Variants in ZNF34 observed in about 807,000 individuals in gnomAD.
ZNF34 encodes the protein zinc finger protein 34 (KOX 32).
ZNF34 carries 8 observed loss-of-function variants against 14.4 expected under a neutral mutation model. That is an observed-to-expected ratio of 0.55 (90% CI 0.33 to 1.00). The LOEUF (loss-of-function observed/expected upper bound fraction) is 1.00. ZNF34 is among the 50% of genes least tolerant of loss of function. The pLI is 0.03. For missense variants in ZNF34, 538 were observed against 674.2 expected (o/e 0.80, Z 2.24); for synonymous variants, 235 against 247.9 (o/e 0.95, Z 0.49).
In ZNF34 at chr8:144,778,020, T is replaced by G; in HGVS notation, c.160+18A>C. 6.2e-7 allele frequency: 1 copy of G among 1,613,282 alleles called. No homozygotes were observed. The highest frequency in any genetic ancestry group is 8.5e-7 in the Non-Finnish European group (1 of 1,179,582). ...CCCCAGGGCTGTTCCCAGAGCTGAG[T>G]TCTGGTGAGGGCCTTACCCAGTGAG... is the stretch of plus-strand genomic sequence containing the variant. On this transcript the variant is annotated intron_variant, in intron 4 of 5. Coordinates refer to ENST00000429371, the MANE Select transcript of ZNF34 (RefSeq NM_001286769.2).
chr8:144,774,755 T>A, intron 5 of ZNF34, 150 bp from the exon 6 acceptor site: 1 of 890,544 alleles, frequency 1.1e-6, no homozygotes, highest in Non-Finnish European at 1.7e-6. Flanking sequence ...CTCAGAGGCT[T>A]ATGCAGCTCA....
intron 5 of ZNF34, among the ~76,000 whole-genome samples, chr8:144,776,915 A>C (rs1277039323): frequency 2.0e-5 from 3 of 147,242 alleles, no homozygotes; most frequent in Admixed American, 2.0e-4. Context: ...CTGTCTCAAA[A>C]AAAAAAAAAA....
At position 144,774,284 on chromosome 8, in the gene ZNF34, G is replaced by T. The variant is rs951586003; in HGVS notation, c.602C>A (p.Thr201Lys). The part of the protein sequence containing the change: ...NHKRVHRSKK[T>K]NTVRNSGEIF... ...TTCCCCAGAGTTACGAACTGTATTTGTTTTTTTTGACCTGTGTACACGCTT... is the reference window on the plus strand; with the variant it reads ...TTCCCCAGAGTTACGAACTGTATTTTTTTTTTTTGACCTGTGTACACGCTT... Residue 201 changes from threonine (T) to lysine (K), a missense_variant, in exon 6 of 6, where the codon ACA (threonine) becomes AAA (lysine). Thr to Lys is a moderately conservative substitution (Grantham distance 78, BLOSUM62 -1). This residue lies in a region of ZNF34 where 431 missense variants were observed against 525.7 expected (regional missense o/e 0.82). Coordinates refer to ENST00000429371, the MANE Select transcript of ZNF34 (RefSeq NM_001286769.2). 8 of 1,612,958 alleles carry T rather than the reference G, an allele frequency of 5.0e-6. No homozygotes were observed. The highest frequency in any genetic ancestry group is 6.8e-6 in the Non-Finnish European group (8 of 1,179,464).
rs563776460 is a variant in ZNF34 at position 144,772,728 on chromosome 8, C to T, written c.*538G>A. Among the ~76,000 whole-genome samples, 14 of 151,986 alleles carry T rather than the reference C, an allele frequency of 9.2e-5. No individual in the cohort carries two copies. Among genetic ancestry groups the T allele is most frequent in the East Asian group, 3.9e-4 (2 of 5,174 alleles). Reference sequence around the variant, plus strand: ...CTAATTTTTGTATTTTTAGTAGAGACGGGGTTTCACCATGTTGGCCAGGCT... The same window carrying T: ...CTAATTTTTGTATTTTTAGTAGAGATGGGGTTTCACCATGTTGGCCAGGCT... On this transcript the variant is annotated 3_prime_UTR_variant, in exon 6 of 6. Coordinates refer to ENST00000429371, the MANE Select transcript of ZNF34 (RefSeq NM_001286769.2).
Position 144,772,682 on chromosome 8 carries a change from G to A in ZNF34, c.*584C>T, listed in dbSNP as rs1825243261. ...AGCCTCCCGAGTAGCTGGGATTACA[G>A]GCACCCACCACCACACCTGGCTAAT... On this transcript the variant is annotated 3_prime_UTR_variant, in exon 6 of 6. Transcript: ENST00000429371. Among the ~76,000 whole-genome samples the A allele has an allele frequency of 6.6e-6, 1 of 152,102 alleles. No individual in the cohort carries two copies. Among genetic ancestry groups the A allele is most frequent in the Non-Finnish European group, 1.5e-5 (1 of 68,014 alleles).
intron 1 of ZNF34, chr8:144,785,307 C>T (rs1227698670): frequency 6.6e-6 from 1 of 152,050 alleles, no homozygotes; most frequent in Non-Finnish European, 1.5e-5. Flanking sequence ...ACCTGGCAAA[C>T]CCTGTAGTCC....
intron 1 of ZNF34, among the ~76,000 whole-genome samples, chr8:144,786,565 C>A (rs1826250456): frequency 1.3e-5 from 2 of 151,076 alleles, no homozygotes; most frequent in Middle Eastern, 6.8e-3. Context: ...ACTCGGGAGG[C>A]GGAAGGTGCA....
Position 144,772,236 on chromosome 8 carries a change from A to C in ZNF34, c.*1030T>G, listed in dbSNP as rs1186651309. Reference sequence around the variant, plus strand: ...AAAGAAACACAGATTGCATGATTCCACACATATTTATGTTCCTAGAATAGG... The same window carrying C: ...AAAGAAACACAGATTGCATGATTCCCCACATATTTATGTTCCTAGAATAGG... On this transcript the variant is annotated 3_prime_UTR_variant, in exon 6 of 6. Transcript: ENST00000429371. 6.6e-6 allele frequency among the ~76,000 whole-genome samples: 1 copy of C among 152,226 alleles called. No homozygotes were observed. The highest frequency in any genetic ancestry group is 1.5e-5 in the Non-Finnish European group (1 of 68,046).
chr8:144,780,026 CAAA>C (rs10710060), intron 2 of ZNF34, among the ~76,000 whole-genome samples, 199 bp downstream of exon 2: 4 of 101,670 alleles, frequency 3.9e-5, no homozygotes, highest in Non-Finnish European at 6.0e-5. Context: ...TTAATGCTAC[CAAA>C]AAAAAAAAAA....
chr8:144,784,866 T>C lies in ZNF34; in HGVS notation c.-108+2413A>G, dbSNP rs150579045. Among the ~76,000 whole-genome samples the C allele has an allele frequency of 2.1e-4, 32 of 152,190 alleles. 1 individual carries two copies. In the East Asian group the frequency reaches 6.2e-3, roughly 29 times the overall value. On this transcript the variant is annotated intron_variant, in intron 1 of 5. Transcript: ENST00000429371. ...GGCCAGGCATGGTAGCTCACACCTG[T>C]AATCTCAGTGCTTTGGGAGGCCGAG... is the stretch of plus-strand genomic sequence containing the variant.
chr8:144,773,624 G>A lies in ZNF34; in HGVS notation c.1262C>T (p.Thr421Ile), dbSNP rs1392583030. Reference protein sequence around the residue: ...TKLVEHQRSHTGEKPYECNDC... With the variant: ...TKLVEHQRSHIGEKPYECNDC... ...ATTGCATTCATAGGGCTTCTCTCCA[G>A]TGTGGCTTCTCTGATGTTCCACGAG... Residue 421 changes from threonine to isoleucine, a missense_variant, in exon 6 of 6, where the codon ACT (threonine) becomes ATT (isoleucine). Physicochemically the swap from Thr to Ile is moderately conservative, Grantham distance 89. This residue lies in a region of ZNF34 where 431 missense variants were observed against 525.7 expected (regional missense o/e 0.82). Coordinates refer to ENST00000429371, the MANE Select transcript of ZNF34 (RefSeq NM_001286769.2). This position sits in a 1 kb window ranked among gnomAD's most constrained non-coding sequence, Gnocchi z 5.4. 1 of 1,614,210 alleles carries A rather than the reference G, an allele frequency of 6.2e-7. No individual in the cohort carries two copies. The highest frequency in any genetic ancestry group is 1.1e-5 in the South Asian group (1 of 91,080).
rs1357474046 is a variant in ZNF34 at position 144,773,274 on chromosome 8, A to G, written c.1612T>C (p.Ser538Pro). Residue 538 changes from serine (S) to proline (P), a missense_variant, in exon 6 of 6, where the codon TCC (serine) becomes CCC (proline). This residue lies in a region of ZNF34 where 101 missense variants were observed against 123.1 expected (regional missense o/e 0.82). Coordinates refer to ENST00000429371, the MANE Select transcript of ZNF34 (RefSeq NM_001286769.2). The surrounding 1 kb of genome is among the most constrained non-coding windows in gnomAD (Gnocchi z 5.4). ...HQRIHLREDFSM is the reference protein window; with the variant it reads ...HQRIHLREDFPM ...CGGACACCGCGCCACTGTTACATGG[A>G]GAAGTCCTCCCGGAGGTGAATCCGC... is the stretch of plus-strand genomic sequence containing the variant. 12 of 1,605,210 alleles carry G rather than the reference A, an allele frequency of 7.5e-6. No homozygotes were observed. Among genetic ancestry groups the G allele is most frequent in the Non-Finnish European group, 1.0e-5 (12 of 1,173,510 alleles).
At chr8:144,776,201 A>G (rs1164377192) in intron 5 of ZNF34, among the ~76,000 whole-genome samples, 1 of 151,954 alleles carries the variant, frequency 6.6e-6, no homozygotes, top group Non-Finnish European at 1.5e-5. Context: ...AGTCCCAGCT[A>G]CTGGGGAGGC....
In ZNF34 at chr8:144,778,141, C is replaced by T. The variant is rs775150623; in HGVS notation, c.57G>A (p.Val19=). The change falls in exon 4 of 6, where the codon GTG becomes GTA. Residue 19 remains valine (V), a synonymous_variant. Coordinates refer to ENST00000429371, the MANE Select transcript of ZNF34 (RefSeq NM_001286769.2). ...ATTCCTCCCGGGAGAGGTACACAGC[C>T]ACGTCCTCGAAGGTCACCTCGGCCT... ...PPQAEVTFED[V]AVYLSREEWG... 1 of 1,613,610 alleles carries T rather than the reference C, an allele frequency of 6.2e-7. No homozygotes were observed. Among genetic ancestry groups the T allele is most frequent in the African/African-American group, 1.3e-5 (1 of 75,026 alleles).
At chr8:144,785,979 GTTTTTTT>G (rs35149527) in intron 1 of ZNF34, among the ~76,000 whole-genome samples, 1 of 99,284 alleles carries the variant, frequency 1.0e-5, no homozygotes, top group African/African-American at 4.2e-5. Context: ...TACATAGGTA[GTTTTTTT>G]TTTTTTTTTT....
chr8:144,773,258 C>T lies in ZNF34; in HGVS notation c.*8G>A, dbSNP rs771974224. The T allele has an allele frequency of 9.4e-6, 15 of 1,591,074 alleles. No homozygotes were observed. The highest frequency in any genetic ancestry group is 8.0e-5 in the African/African-American group (6 of 74,688). On this transcript the variant is annotated 3_prime_UTR_variant, in exon 6 of 6. Transcript: ENST00000429371. The surrounding 1 kb of genome is among the most constrained non-coding windows in gnomAD (Gnocchi z 5.4). ...AGCTGGACTCTGCCCTCGGACACCG[C>T]GCCACTGTTACATGGAGAAGTCCTC... is the stretch of plus-strand genomic sequence containing the variant.
intron 1 of ZNF34, among the ~76,000 whole-genome samples, chr8:144,784,626 C>T (rs1005371979): frequency 4.6e-5 from 7 of 151,598 alleles, no homozygotes; most frequent in South Asian, 2.1e-4. Context: ...GGCGTGGTGG[C>T]GGGCACCTGT....
In ZNF34 at chr8:144,773,916, T is replaced by C. The variant is rs761521456; in HGVS notation, c.970A>G (p.Ser324Gly). ...TGATAAATCAGGGAAGAGTAGGCGCTAAAGTGCTTCCCACACTCCCCACAC... is the reference window on the plus strand; with the variant it reads ...TGATAAATCAGGGAAGAGTAGGCGCCAAAGTGCTTCCCACACTCCCCACAC... ...YKCGECGKHF[S>G]AYSSLIYHQR... Residue 324 changes from serine (S) to glycine (G), a missense_variant, in exon 6 of 6, where the codon AGC (serine) becomes GGC (glycine). Physicochemically the swap from Ser to Gly is moderately conservative, Grantham distance 56 (BLOSUM62 0). This residue lies in a region of ZNF34 where 431 missense variants were observed against 525.7 expected (regional missense o/e 0.82). Coordinates refer to ENST00000429371, the MANE Select transcript of ZNF34 (RefSeq NM_001286769.2). The surrounding 1 kb of genome is among the most constrained non-coding windows in gnomAD (Gnocchi z 5.4). The C allele has an allele frequency of 6.2e-7, 1 of 1,613,786 alleles. No homozygotes were observed. Among genetic ancestry groups the C allele is most frequent in the South Asian group, 1.1e-5 (1 of 91,064 alleles).
At position 144,777,942 on chromosome 8, in the gene ZNF34, T is replaced by C. The variant is rs72699306; in HGVS notation, c.160+96A>G. The C allele has an allele frequency of 0.06, 91,967 of 1,535,246 alleles. 3,306 individuals carry two copies. Among genetic ancestry groups the C allele is most frequent in the Non-Finnish European group, 0.071 (80,039 of 1,130,148 alleles). On this transcript the variant is annotated intron_variant, in intron 4 of 5. Coordinates refer to ENST00000429371, the MANE Select transcript of ZNF34 (RefSeq NM_001286769.2). The surrounding 1 kb of genome is among the most constrained non-coding windows in gnomAD (Gnocchi z 4.8). ...CCTGCCTGGGATAAAGGTCATCACC[T>C]ATCTGTGCCCAGGGGGTGAGGCCCC...
Sources: allele counts gnomAD v4.1 joint callset (sites outside exome capture counted in the v4.1 genomes callset), GRCh38; gene constraint gnomAD v4.1.1; regional missense constraint gnomAD v4.1.1; non-coding constraint Gnocchi (gnomAD v3.1); transcripts MANE v1.5; gene names NCBI Gene and HGNC (gene_info 2026-07-23, HGNC 2026-07-21).